Variants in ESR1 observed in about 807,000 individuals in gnomAD.
ESR1 encodes estrogen receptor 1, also known as estrogen receptor.
Under a neutral mutation model 52.7 loss-of-function variants are expected in ESR1, and 12 were observed. The observed-to-expected ratio is 0.23, with a 90% CI of 0.15 to 0.37. The LOEUF is 0.37. Among genes scored for constraint, ESR1 ranks in the 10% least tolerant of loss-of-function variants. The probability of loss-of-function intolerance (pLI) is 1.00; values close to 1 mark genes in which losing one functional copy is unlikely to be tolerated. For missense variants in ESR1, 584 were observed against 779.7 expected (o/e 0.75, Z 2.99); for synonymous variants, 305 against 316.8 (o/e 0.96, Z 0.39).
chr6:151,956,760 C>T (rs2036964822), intron 4 of ESR1, among the ~76,000 whole-genome samples: 1 of 148,400 alleles, frequency 6.7e-6, no homozygotes, highest in Admixed American at 6.7e-5. Context: ...CTTTCTCTCT[C>T]TTCCATGTGA....
At chr6:152,028,204 G>C (rs973201728) in intron 5 of ESR1, among the ~76,000 whole-genome samples, 2 of 152,166 alleles carry the variant, frequency 1.3e-5, no homozygotes, top group Non-Finnish European at 2.9e-5. Flanking sequence ...CCAGTCTGCA[G>C]CTCCCAGCAT....
At chr6:151,660,194 G>C (rs1383557128) in intron 1 of ESR1, among the ~76,000 whole-genome samples, 2 of 152,136 alleles carry the variant, frequency 1.3e-5, no homozygotes, top group African/African-American at 4.8e-5. Flanking sequence ...GTAAGACTTG[G>C]GCTGGTAACT....
intron 3 of ESR1, among the ~76,000 whole-genome samples, chr6:151,888,939 T>TCCTTCATTCTGTTAATGTGTGTAC (rs1322568169): frequency 6.6e-6 from 1 of 152,214 alleles, no homozygotes; most frequent in African/African-American, 2.4e-5. Context: ...ATGGTTTTTG[T>TCCTTCATTCTGTTAATGTGTGTAC]CCTTCATTCT....
At chr6:152,071,586 C>G (rs1359648712) in intron 6 of ESR1, among the ~76,000 whole-genome samples, 1 of 152,202 alleles carries the variant, frequency 6.6e-6, no homozygotes, top group East Asian at 1.9e-4. Context: ...CCTACTTAAA[C>G]TAACAATTTG....
intron 6 of ESR1, among the ~76,000 whole-genome samples, chr6:152,088,863 G>A (rs139833985): frequency 1.3e-5 from 2 of 152,330 alleles, no homozygotes; most frequent in Non-Finnish European, 2.9e-5. Context: ...CTGTGGAAGT[G>A]AAAGAAGAAT....
At chr6:151,770,746 AT>A (rs955336834) in intron 2 of ESR1, among the ~76,000 whole-genome samples, 4 of 151,276 alleles carry the variant, frequency 2.6e-5, no homozygotes, top group African/African-American at 7.3e-5. Context: ...GACTGAGTCA[AT>A]TTTTTTTTCA....
downstream of ESR1, among the ~76,000 whole-genome samples, chr6:152,105,298 G>T (rs73625113): frequency 0.03 from 4,544 of 152,264 alleles, 75 homozygotes; most frequent in Middle Eastern, 0.068. Context: ...TGCAATTGGT[G>T]TCTGAGATGG....
chr6:151,847,034 C>T (rs1262375081), intron 2 of ESR1, among the ~76,000 whole-genome samples: 1 of 152,118 alleles, frequency 6.6e-6, no homozygotes, highest in Non-Finnish European at 1.5e-5. Context: ...AGCTATGTTG[C>T]CATTTTATAT....
intron 3 of ESR1, among the ~76,000 whole-genome samples, chr6:151,929,110 T>TTAA (rs1450587482): frequency 6.6e-6 from 1 of 152,200 alleles, no homozygotes; most frequent in Non-Finnish European, 1.5e-5. Flanking sequence ...TATATCTGTA[T>TTAA]TAATTTTCTG....
intron 1 of ESR1, among the ~76,000 whole-genome samples, chr6:151,829,314 A>ACAC (rs1782004769): frequency 6.6e-6 from 1 of 152,246 alleles, no homozygotes; most frequent in Admixed American, 6.5e-5. Flanking sequence ...TGAACAAAGA[A>ACAC]TATGTCAGAT....
chr6:151,822,023 T>G (rs954157584), intron 1 of ESR1, among the ~76,000 whole-genome samples: 4 of 152,234 alleles, frequency 2.6e-5, no homozygotes, highest in Non-Finnish European at 5.9e-5. Flanking sequence ...TGACACAACT[T>G]ATTCTACAGA....
rs1184164703 is a variant in ESR1 at position 151,780,598 on chromosome 6, C to A, written c.-70-27245C>A. On this transcript the variant is annotated intron_variant, in intron 2 of 2. Transcript: ENST00000404742. ...TCCTCTCATGATTCTAAGGTGGTAG[C>A]CAGGATTGAAAAATGCTGGACTTTC... 3.9e-5 allele frequency among the ~76,000 whole-genome samples: 6 copies of A among 152,100 alleles called. No individual in the cohort carries two copies. In the East Asian group the frequency reaches 9.6e-4, roughly 24 times the overall value.
chr6:151,823,526 G>A (rs1780945531), intron 1 of ESR1, among the ~76,000 whole-genome samples: 1 of 151,874 alleles, frequency 6.6e-6, no homozygotes, highest in African/African-American at 2.4e-5. Flanking sequence ...CAATGTGCAG[G>A]TTTGTTACAT....
intron 2 of ESR1, among the ~76,000 whole-genome samples, chr6:151,861,956 A>G (rs1252796868): frequency 6.6e-6 from 1 of 152,182 alleles, no homozygotes; most frequent in African/African-American, 2.4e-5. Context: ...TGGATTGTTT[A>G]CTGAGAAAAT....
rs1562780066 is a variant in ESR1, at chr6:152,094,046, A to G, written c.1370-339A>G. On this transcript the variant is annotated intron_variant, in intron 6 of 7. Coordinates refer to ENST00000206249, the MANE Select transcript of ESR1 (RefSeq NM_000125.4). The surrounding 1 kb of genome is among the most constrained non-coding windows in gnomAD (Gnocchi z 4.6). ...GGCTGCTCACAGGGTTGTCAGTTAC[A>G]TGGTCAATTACATTACATGGACAAT... Among the ~76,000 whole-genome samples the G allele has an allele frequency of 6.6e-6, 1 of 152,202 alleles. No homozygotes were observed. Among genetic ancestry groups the G allele is most frequent in the African/African-American group, 2.4e-5 (1 of 41,452 alleles).
At chr6:151,905,767 A>G (rs1274457670) in intron 3 of ESR1, among the ~76,000 whole-genome samples, 2 of 152,226 alleles carry the variant, frequency 1.3e-5, no homozygotes, top group Non-Finnish European at 2.9e-5. Context: ...AATCACAAGC[A>G]TAGTTTATAG....
At chr6:151,968,010 C>T (rs142218895) in intron 4 of ESR1, among the ~76,000 whole-genome samples, 3,193 of 152,100 alleles carry the variant, frequency 0.021, 35 homozygotes, top group East Asian at 0.044. Context: ...TCATATCCTT[C>T]GCCCACTTTT....
chr6:152,114,137 T>C (rs2051179691), intron 6 of ESR1, among the ~76,000 whole-genome samples: 1 of 152,092 alleles, frequency 6.6e-6, no homozygotes, highest in South Asian at 2.1e-4. Flanking sequence ...GTGAAGCTGT[T>C]GAATGGGAAC....
At chr6:152,001,047 C>T (rs1465480272) in intron 4 of ESR1, among the ~76,000 whole-genome samples, 2 of 151,982 alleles carry the variant, frequency 1.3e-5, no homozygotes, top group Non-Finnish European at 1.5e-5. Flanking sequence ...AGACCTAGTA[C>T]CAAGCCAGAG....
Sources: gnomAD v4.1 joint callset for allele counts (sites outside exome capture counted in the v4.1 genomes callset) on GRCh38, gnomAD v4.1.1 for gene constraint, Gnocchi (gnomAD v3.1) non-coding constraint, MANE v1.5 for transcripts, NCBI Gene and HGNC (gene_info 2026-07-23, HGNC 2026-07-21) for gene names.